The following COL22A1 variants were observed in gnomAD, a reference collection of about 807,000 sequenced individuals.
COL22A1 encodes collagen type XXII alpha 1 chain.
In COL22A1, 221 loss-of-function variants were observed where a neutral mutation model predicts 248.9. That is an observed-to-expected ratio of 0.89 (90% CI 0.80 to 0.99). COL22A1 has a LOEUF of 0.99. Ranked by LOEUF, COL22A1 falls within the 50% of genes least tolerant of loss-of-function variation. The pLI is 0.00. For synonymous variants in COL22A1, 891 were observed against 793.4 expected (o/e 1.12, Z -2.07); for missense variants, 2,240 against 2,179.0 (o/e 1.03, Z -0.56).
chr8:138,755,355 T>C lies in COL22A1; in HGVS notation c.1977+127A>G, dbSNP rs568565184. On this transcript the variant is annotated intron_variant, in intron 20 of 64. Transcript: ENST00000303045. ...AGAGGTATGGGAGTGGGTATTTGCA[T>C]TTCTGGCAGAAAGGCAACTGAAGTC... is the stretch of plus-strand genomic sequence containing the variant. 2.1e-5 allele frequency: 27 copies of C among 1,305,784 alleles called. No homozygotes were observed. In the East Asian group the frequency reaches 6.2e-4, roughly 30 times the overall value. 80.9% of individuals were successfully genotyped at this position (1,305,784 alleles called of 1,614,324 possible).
chr8:138,833,741 G>A (rs900917105), intron 4 of COL22A1, among the ~76,000 whole-genome samples: 3 of 152,104 alleles, frequency 2.0e-5, no homozygotes, highest in Non-Finnish European at 2.9e-5. Context: ...TCTAAGAGAG[G>A]ACCTTATACG....
At chr8:138,603,794 C>G (rs1174863989) in intron 59 of COL22A1, among the ~76,000 whole-genome samples, 1 of 152,108 alleles carries the variant, frequency 6.6e-6, no homozygotes, top group Non-Finnish European at 1.5e-5. Flanking sequence ...AGGAAGTGAC[C>G]ACCTCCCTGA....
chr8:138,746,694 C>T (rs1741721448), intron 22 of COL22A1, among the ~76,000 whole-genome samples: 1 of 152,240 alleles, frequency 6.6e-6, no homozygotes, highest in African/African-American at 2.4e-5. Flanking sequence ...CTAATGCTCC[C>T]ACCATCCTGC....
chr8:138,593,971 C>T (rs1452558260), intron 63 of COL22A1, 46 bp downstream of exon 63: 2 of 1,416,232 alleles, frequency 1.4e-6, no homozygotes, highest in South Asian at 1.5e-5. Context: ...TCCTTCTCCG[C>T]CCTCCAGGAG....
chr8:138,849,908 C>G (rs1821505482), intron 3 of COL22A1, among the ~76,000 whole-genome samples: 2 of 152,108 alleles, frequency 1.3e-5, no homozygotes, highest in African/African-American at 4.8e-5. Flanking sequence ...AGAATAATAA[C>G]CAGCCAATCG....
At chr8:138,845,905 T>C (rs1318113950) in intron 3 of COL22A1, among the ~76,000 whole-genome samples, 1 of 152,206 alleles carries the variant, frequency 6.6e-6, no homozygotes, top group Non-Finnish European at 1.5e-5. Flanking sequence ...CACATTATTA[T>C]TATAATCACA....
At chr8:138,794,575 C>A (rs2131595579) in intron 12 of COL22A1, among the ~76,000 whole-genome samples, 1 of 152,208 alleles carries the variant, frequency 6.6e-6, no homozygotes, top group East Asian at 1.9e-4. Context: ...GCTCACGTTC[C>A]CATGTTCACA....
chr8:138,706,464 G>C (rs1271328148), intron 30 of COL22A1, among the ~76,000 whole-genome samples: 1 of 152,208 alleles, frequency 6.6e-6, no homozygotes, highest in African/African-American at 2.4e-5. Flanking sequence ...AATCAAACTA[G>C]AATGCAGGAT....
At chr8:138,707,112 C>A (rs1828529362) in intron 30 of COL22A1, among the ~76,000 whole-genome samples, 2 of 152,150 alleles carry the variant, frequency 1.3e-5, no homozygotes, top group South Asian at 4.1e-4. Context: ...CTGAATAGAA[C>A]AATAACAGGC....
chr8:138,665,017 G>T (rs1824371324), intron 41 of COL22A1, among the ~76,000 whole-genome samples: 1 of 152,152 alleles, frequency 6.6e-6, no homozygotes, highest in Non-Finnish European at 1.5e-5. Context: ...AGAGCAAAAT[G>T]ATTTCACACC....
intron 56 of COL22A1, among the ~76,000 whole-genome samples, chr8:138,608,660 A>G (rs1047544444): frequency 2.6e-5 from 4 of 152,234 alleles, no homozygotes; most frequent in Non-Finnish European, 4.4e-5. Context: ...ATCCCAGTAG[A>G]GTAAAAACAA....
intron 1 of COL22A1, among the ~76,000 whole-genome samples, chr8:138,900,143 G>A (rs1814435015): frequency 6.6e-6 from 1 of 152,196 alleles, no homozygotes; most frequent in African/African-American, 2.4e-5. Context: ...AGAAGGGGTA[G>A]AATAGGGATT....
chr8:138,809,743 C>T (rs979320833), intron 9 of COL22A1, among the ~76,000 whole-genome samples: 1 of 151,988 alleles, frequency 6.6e-6, no homozygotes, highest in Non-Finnish European at 1.5e-5. Context: ...TGGTCTCAAA[C>T]TCCTGATCTC....
chr8:138,716,941 T>C, intron 27 of COL22A1, 72 bp from the exon 28 acceptor site: 1 of 1,134,272 alleles, frequency 8.8e-7, no homozygotes, highest in South Asian at 1.2e-5. Context: ...TTCCCAGTTG[T>C]CCTCACACAT....
chr8:138,626,428 G>T (rs1394700779), intron 50 of COL22A1, among the ~76,000 whole-genome samples, 185 bp from the exon 51 acceptor site: 2 of 152,192 alleles, frequency 1.3e-5, no homozygotes, highest in African/African-American at 4.8e-5. Flanking sequence ...GTTCCCTGGG[G>T]CTGAGCATAG....
chr8:138,885,673 C>G (rs138484699), intron 1 of COL22A1, among the ~76,000 whole-genome samples: 7,026 of 152,116 alleles, frequency 0.046, 195 homozygotes, highest in South Asian at 0.074. Context: ...AAGCAATTCT[C>G]CTGCCTCAGC....
intron 35 of COL22A1, among the ~76,000 whole-genome samples, chr8:138,692,296 T>TTGTGGAGGTGTA (rs1827118206): frequency 4.3e-4 from 5 of 11,656 alleles, no homozygotes; most frequent in Non-Finnish European, 9.2e-4. Flanking sequence ...GTGTGCATGT[T>TTGTGGAGGTGTA]TGCGGAGGTG....
At chr8:138,834,791 T>C (rs955862845) in intron 4 of COL22A1, among the ~76,000 whole-genome samples, 1 of 152,238 alleles carries the variant, frequency 6.6e-6, no homozygotes, top group African/African-American at 2.4e-5. Context: ...CATCCTCTAA[T>C]GCTAAATTCT....
chr8:138,901,294 T>C (rs1288811096), intron 1 of COL22A1, among the ~76,000 whole-genome samples: 1 of 150,794 alleles, frequency 6.6e-6, no homozygotes, highest in Admixed American at 6.6e-5. Flanking sequence ...CAGCAGTTGT[T>C]GAATCCCTGC....
Sources: allele counts gnomAD v4.1 joint callset (sites outside exome capture counted in the v4.1 genomes callset), GRCh38; gene constraint gnomAD v4.1.1; transcripts MANE v1.5; gene names NCBI Gene and HGNC (gene_info 2026-07-23, HGNC 2026-07-21).